Variants in POLR3B observed in about 807,000 individuals in gnomAD.
POLR3B encodes DNA-directed RNA polymerase III subunit RPC2.
Under a neutral mutation model 147.4 loss-of-function variants are expected in POLR3B, and 96 were observed. That is an observed-to-expected ratio of 0.65 (90% confidence interval 0.55 to 0.77). POLR3B has a LOEUF of 0.77. Ranked by LOEUF, POLR3B falls within the 30% of genes least tolerant of loss-of-function variation. The probability of loss-of-function intolerance (pLI) is 0.00; values close to 1 mark genes in which losing one functional copy is unlikely to be tolerated. For missense variants in POLR3B, 1,036 were observed against 1,413.5 expected (o/e 0.73, Z 4.28); for synonymous variants, 461 against 485.9 (o/e 0.95, Z 0.67).
At chr12:106,456,236 C>T (rs543351546) in intron 20 of POLR3B, among the ~76,000 whole-genome samples, 1 of 152,212 alleles carries the variant, frequency 6.6e-6, no homozygotes, top group Non-Finnish European at 1.5e-5. Context: ...AACTCTACAA[C>T]TCATGGATTT....
rs764250049 is a variant in POLR3B, at chr12:106,410,811, A to C, written c.967-15A>C. ...TCCATTTTCTCAAAATTTTTCTCCA[A>C]TTTCTGACTTACAGGTTAAGGAATT... On this transcript the variant is annotated splice_polypyrimidine_tract_variant and intron_variant, in intron 11 of 27. Transcript: ENST00000228347. 14 of 1,613,348 alleles carry C rather than the reference A, an allele frequency of 8.7e-6. No homozygotes were observed. The highest frequency in any genetic ancestry group is 1.1e-5 in the Non-Finnish European group (13 of 1,179,482).
At chr12:106,478,147 T>A (rs2038209274) in intron 23 of POLR3B, among the ~76,000 whole-genome samples, 1 of 151,878 alleles carries the variant, frequency 6.6e-6, no homozygotes, top group African/African-American at 2.4e-5. Flanking sequence ...GCTCAGGCAA[T>A]CCATCCACCT....
At chr12:106,437,380 CAT>C (rs1388671736) in intron 17 of POLR3B, among the ~76,000 whole-genome samples, 1 of 152,132 alleles carries the variant, frequency 6.6e-6, no homozygotes, top group African/African-American at 2.4e-5. Context: ...GGACTTACAT[CAT>C]GTGTCAGTGT....
At position 106,444,420 on chromosome 12, in the gene POLR3B, G is replaced by T. The variant is rs374515708; in HGVS notation, c.1956-43G>T. On this transcript the variant is annotated intron_variant, in intron 18 of 27. Transcript: ENST00000228347. ...TACCCTTTAAAAGACATTTATTTTTGTACTTGATGCTTAAGATATGTGATT... is the reference window on the plus strand; with the variant it reads ...TACCCTTTAAAAGACATTTATTTTTTTACTTGATGCTTAAGATATGTGATT... The T allele has an allele frequency of 2.4e-5, 39 of 1,606,504 alleles. No homozygotes were observed. In the African/African-American group the frequency reaches 5.1e-4, roughly 21 times the overall value.
At position 106,471,911 on chromosome 12, in the gene POLR3B, T is replaced by C. The variant is rs538958215; in HGVS notation, c.2713+8291T>C. On this transcript the variant is annotated intron_variant, in intron 23 of 27. Coordinates refer to ENST00000228347, the MANE Select transcript of POLR3B (RefSeq NM_018082.6). ...AGTTTTAGGGTACATGTGCACATTG[T>C]GCAGGTTAGTTACATATGTATACAT... Among the ~76,000 whole-genome samples, 13 of 151,564 alleles carry C rather than the reference T, an allele frequency of 8.6e-5. No individual in the cohort carries two copies. The South Asian group carries it at 2.7e-3, about 32-fold the overall frequency.
In POLR3B at chr12:106,403,631, TA is replaced by T. The variant is rs981002653; in HGVS notation, c.847-2220del. Reference sequence around the variant, plus strand: ...TACACCATGGAATACTATGCAGCCATAAAAAATGATGAATTCATGTCCTTTG... The same window carrying T: ...TACACCATGGAATACTATGCAGCCATAAAAATGATGAATTCATGTCCTTTG... On this transcript the variant is annotated intron_variant, in intron 10 of 27. Transcript: ENST00000228347. Among the ~76,000 whole-genome samples, 19 of 152,114 alleles carry T rather than the reference TA, an allele frequency of 1.2e-4. No homozygotes were observed. In the South Asian group the frequency reaches 3.1e-3, roughly 25 times the overall value.
intron 23 of POLR3B, among the ~76,000 whole-genome samples, chr12:106,474,654 G>A (rs552495141): frequency 0.014 from 2,033 of 144,160 alleles, 47 homozygotes; most frequent in African/African-American, 0.05. Flanking sequence ...TATTTGCGTA[G>A]AGGTGTTTGT....
chr12:106,385,863 A>G (rs2036829013), intron 9 of POLR3B, among the ~76,000 whole-genome samples: 1 of 152,200 alleles, frequency 6.6e-6, no homozygotes, highest in African/African-American at 2.4e-5. Flanking sequence ...TTTCAGGATG[A>G]TGATGATGAT....
chr12:106,443,027 A>G (rs1171536924), intron 18 of POLR3B, among the ~76,000 whole-genome samples: 1 of 152,230 alleles, frequency 6.6e-6, no homozygotes, highest in Non-Finnish European at 1.5e-5. Flanking sequence ...CAGTAAAATA[A>G]AATGCAAGCC....
intron 6 of POLR3B, among the ~76,000 whole-genome samples, chr12:106,369,898 T>C (rs1278593971): frequency 6.6e-6 from 1 of 152,186 alleles, no homozygotes; most frequent in East Asian, 1.9e-4. Context: ...GAGGAAAATG[T>C]TTCCCTTTCC....
intron 1 of POLR3B, 102 bp downstream of exon 1, chr12:106,358,053 G>A: frequency 2.6e-6 from 4 of 1,558,428 alleles, no homozygotes; most frequent in African/African-American, 2.7e-5. Flanking sequence ...GGCGGTTTGT[G>A]CGCATGCGCC....
chr12:106,399,425 T>G (rs1006819020), intron 10 of POLR3B, among the ~76,000 whole-genome samples: 4 of 152,184 alleles, frequency 2.6e-5, no homozygotes, highest in Non-Finnish European at 5.9e-5. Context: ...CCAGGAGAAC[T>G]TCCCCAATCT....
Position 106,475,344 on chromosome 12 carries a change from T to A in POLR3B, c.2713+11724T>A, listed in dbSNP as rs1359476137. ...GTGCTGAAAAAAATGTATATTCTGT[T>A]GATTTGGGGTGGAGAGTTTTGTAGA... On this transcript the variant is annotated intron_variant, in intron 23 of 27. Transcript: ENST00000228347. Among the ~76,000 whole-genome samples the A allele has an allele frequency of 2.0e-5, 2 of 101,982 alleles. 1 individual carries two copies. Among genetic ancestry groups the A allele is most frequent in the Non-Finnish European group, 3.9e-5 (2 of 51,682 alleles). 66.9% of individuals were successfully genotyped at this position (101,982 alleles called of 152,430 possible). A position where few individuals can be genotyped will look rare whatever the true frequency, so the allele number is the denominator to read the frequency against.
chr12:106,435,058 A>C (rs147611352), intron 16 of POLR3B, among the ~76,000 whole-genome samples: 4 of 152,064 alleles, frequency 2.6e-5, no homozygotes, highest in African/African-American at 9.6e-5. Flanking sequence ...GATTCTTGGA[A>C]CTGCTCTCGT....
At chr12:106,382,775 C>T (rs1055655486) in intron 9 of POLR3B, among the ~76,000 whole-genome samples, 1 of 152,130 alleles carries the variant, frequency 6.6e-6, no homozygotes, top group Non-Finnish European at 1.5e-5. Flanking sequence ...TAGCATAATT[C>T]TTAAGGGCCT....
chr12:106,388,266 T>C (rs938629731), intron 9 of POLR3B, among the ~76,000 whole-genome samples: 3 of 152,088 alleles, frequency 2.0e-5, no homozygotes, highest in Non-Finnish European at 4.4e-5. Context: ...GAAAAGAGAA[T>C]CAAATTTCAA....
At chr12:106,434,896 G>A (rs2037557621) in intron 16 of POLR3B, among the ~76,000 whole-genome samples, 1 of 152,034 alleles carries the variant, frequency 6.6e-6, no homozygotes, top group Admixed American at 6.6e-5. Context: ...TTCAGCCAGG[G>A]GTTGGGCATA....
chr12:106,415,449 A>T (rs1182827948), intron 12 of POLR3B, among the ~76,000 whole-genome samples: 1 of 152,174 alleles, frequency 6.6e-6, no homozygotes, highest in Non-Finnish European at 1.5e-5. Flanking sequence ...TGGTTGATGG[A>T]AAGAGGATGC....
At chr12:106,428,414 A>G (rs2037464364) in intron 13 of POLR3B, among the ~76,000 whole-genome samples, 1 of 152,216 alleles carries the variant, frequency 6.6e-6, no homozygotes. Flanking sequence ...CAACAGAAAA[A>G]GATCAACCTT....
Sources: gnomAD v4.1 joint callset for allele counts (sites outside exome capture counted in the v4.1 genomes callset) on GRCh38, gnomAD v4.1.1 for gene constraint, MANE v1.5 for transcripts, NCBI Gene and HGNC (gene_info 2026-07-23, HGNC 2026-07-21) for gene names.